The following PGBD5 variants were observed in gnomAD, a reference collection of about 807,000 sequenced individuals.
PGBD5 encodes the protein piggyBac transposable element derived 5, also known as piggyBac transposable element-derived protein 5.
In PGBD5, 14 loss-of-function variants were observed where a neutral mutation model predicts 47.9. The observed-to-expected ratio is 0.29, with a 90% CI of 0.19 to 0.46. PGBD5 has a LOEUF of 0.46. PGBD5 is among the 20% of genes least tolerant of loss of function. The pLI, the probability that PGBD5 is intolerant of heterozygous loss-of-function variation, is 1.00. For synonymous variants in PGBD5, 316 were observed against 306.3 expected, an observed-to-expected ratio of 1.03 and a Z score of -0.33; for missense variants, 635 against 716.0, an observed-to-expected ratio of 0.89 and a Z score of 1.29.
intron 3 of PGBD5, among the ~76,000 whole-genome samples, chr1:230,346,563 A>G (rs1018538515): frequency 1.3e-5 from 2 of 152,178 alleles, no homozygotes; most frequent in Admixed American, 6.5e-5. Context: ...AGGAGCAAGC[A>G]TATCGCAAGA....
At position 230,338,384 on chromosome 1, in the gene PGBD5, G is replaced by A. The variant is rs184423142; in HGVS notation, c.895-1096C>T. On this transcript the variant is annotated intron_variant, in intron 3 of 6. Coordinates refer to ENST00000391860, the MANE Select transcript of PGBD5 (RefSeq NM_001258311.2). ...TCTGGTGCTTGGGATCTGCATTCCC[G>A]TTGTTTCCTTACGGCTGCAGGACTG... Among the ~76,000 whole-genome samples the A allele has an allele frequency of 2.2e-4, 34 of 152,320 alleles. No homozygotes were observed. The East Asian group carries it at 3.1e-3, about 14-fold the overall frequency.
intron 1 of PGBD5, among the ~76,000 whole-genome samples, chr1:230,386,609 G>A (rs1238617135): frequency 6.6e-6 from 1 of 152,136 alleles, no homozygotes; most frequent in Non-Finnish European, 1.5e-5. Context: ...GTACTTCATC[G>A]CCATTGGCTA....
intron 1 of PGBD5, among the ~76,000 whole-genome samples, chr1:230,418,287 C>T (rs1301268990): frequency 6.6e-6 from 1 of 152,138 alleles, no homozygotes; most frequent in Non-Finnish European, 1.5e-5. Flanking sequence ...CAAAAGTCTA[C>T]CGATAGGACA....
chr1:230,395,588 C>A (rs1571857174), intron 1 of PGBD5, among the ~76,000 whole-genome samples: 1 of 14,104 alleles, frequency 7.1e-5, no homozygotes, highest in South Asian at 2.8e-3. Flanking sequence ...TCATTCCCAA[C>A]CCCCTCCCCT....
intron 3 of PGBD5, among the ~76,000 whole-genome samples, chr1:230,344,755 C>A (rs1240293404): frequency 6.6e-6 from 1 of 152,208 alleles, no homozygotes; most frequent in Non-Finnish European, 1.5e-5. Context: ...ATTCTGGCTT[C>A]TAATGCCCAT....
At chr1:230,367,886 C>G in intron 1 of PGBD5, 2 of 1,310,324 alleles carry the variant, frequency 1.5e-6, no homozygotes, top group Non-Finnish European at 2.0e-6. Context: ...TACCAGACTC[C>G]CGCTCTGCAG....
Position 230,314,862 on chromosome 1 carries a change from A to G in PGBD5, c.*8563T>C, listed in dbSNP as rs977240423. On this transcript the variant is annotated 3_prime_UTR_variant, in exon 7 of 7. Coordinates refer to ENST00000391860, the MANE Select transcript of PGBD5 (RefSeq NM_001258311.2). Reference sequence around the variant, plus strand: ...ACAAGAAGAAACAATGTAATGTAGCAGTGGAAACAAAATTCTCACAATGAA... The same window carrying G: ...ACAAGAAGAAACAATGTAATGTAGCGGTGGAAACAAAATTCTCACAATGAA... 2 of 152,182 alleles carry G rather than the reference A, an allele frequency of 1.3e-5. No homozygotes were observed. Among genetic ancestry groups the G allele is most frequent in the Admixed American group, 6.5e-5 (1 of 15,280 alleles). The allele number at this position is 152,182 out of a possible 1,614,324, so 9.4% of individuals were successfully genotyped here. A position where few individuals can be genotyped will look rare whatever the true frequency, so the allele number is the denominator to read the frequency against.
chr1:230,399,815 C>T (rs569187096), intron 1 of PGBD5, among the ~76,000 whole-genome samples: 11 of 152,222 alleles, frequency 7.2e-5, no homozygotes, highest in South Asian at 2.1e-4. Context: ...TCAGTTCCCA[C>T]GGTGGAAACA....
intron 1 of PGBD5, chr1:230,367,839 CGTCCAATTTCATTCTCG>C (rs1667863159): frequency 1.2e-4 from 13 of 112,584 alleles, no homozygotes; most frequent in South Asian, 9.3e-4. Flanking sequence ...AGCATTCTCG[CGTCCAATTTCATTCTCG>C]CAACAGCCAA....
At chr1:230,415,019 A>G (rs1429959677) in intron 1 of PGBD5, among the ~76,000 whole-genome samples, 2 of 152,204 alleles carry the variant, frequency 1.3e-5, no homozygotes, top group Non-Finnish European at 2.9e-5. Context: ...CAATCCTAGC[A>G]CTTTGGGAGG....
At chr1:230,347,668 G>A (rs1228902550) in intron 3 of PGBD5, among the ~76,000 whole-genome samples, 1 of 151,672 alleles carries the variant, frequency 6.6e-6, no homozygotes, top group Non-Finnish European at 1.5e-5. Context: ...CAAAGCTGGG[G>A]CAACAATGTC....
chr1:230,399,015 C>T (rs946847497), intron 1 of PGBD5, among the ~76,000 whole-genome samples: 1 of 151,282 alleles, frequency 6.6e-6, no homozygotes, highest in Non-Finnish European at 1.5e-5. Flanking sequence ...AATTCAATGG[C>T]TCTTTCAAAG....
chr1:230,384,451 G>A (rs963624457), intron 1 of PGBD5, among the ~76,000 whole-genome samples: 6 of 152,162 alleles, frequency 3.9e-5, no homozygotes, highest in Admixed American at 1.3e-4. Flanking sequence ...CCCCTGGCAT[G>A]TGAAGCTGAA....
intron 1 of PGBD5, among the ~76,000 whole-genome samples, chr1:230,411,838 T>C (rs1037675415): frequency 5.3e-5 from 8 of 152,154 alleles, no homozygotes; most frequent in Non-Finnish European, 1.0e-4. Flanking sequence ...AACAAATTAA[T>C]TATGGAAAAG....
At chr1:230,405,766 G>A (rs769504053) in intron 1 of PGBD5, among the ~76,000 whole-genome samples, 3 of 152,192 alleles carry the variant, frequency 2.0e-5, no homozygotes, top group Non-Finnish European at 2.9e-5. Context: ...TGAGCCAAAC[G>A]GTCTTGGGCC....
At chr1:230,347,795 CCTAA>C (rs1667498527) in intron 3 of PGBD5, among the ~76,000 whole-genome samples, 1 of 152,166 alleles carries the variant, frequency 6.6e-6, no homozygotes, top group African/African-American at 2.4e-5. Context: ...GCTGTGCAGA[CCTAA>C]CTGATAGGCT....
intron 3 of PGBD5, among the ~76,000 whole-genome samples, chr1:230,349,969 G>C (rs1667536344): frequency 6.6e-6 from 1 of 152,040 alleles, no homozygotes; most frequent in South Asian, 2.1e-4. Flanking sequence ...TTGGAGGGAA[G>C]ACATTTTCCC....
rs79497591 is a variant in PGBD5, at chr1:230,424,190, G to A, written c.331+1408C>T. On this transcript the variant is annotated intron_variant, in intron 1 of 6. Transcript: ENST00000391860. Reference sequence around the variant, plus strand: ...GCATAAAGTCTGCCAAACCAGGTCTGTGGACTGGTACAATTCTTAAAGAGC... The same window carrying A: ...GCATAAAGTCTGCCAAACCAGGTCTATGGACTGGTACAATTCTTAAAGAGC... Among the ~76,000 whole-genome samples, 1,070 of 152,270 alleles carry A rather than the reference G, an allele frequency of 7.0e-3. 18 individuals are homozygous for A. The highest frequency in any genetic ancestry group is 0.025 in the African/African-American group (1,032 of 41,550).
intron 1 of PGBD5, among the ~76,000 whole-genome samples, chr1:230,411,245 C>T (rs373889855): frequency 3.9e-5 from 6 of 152,218 alleles, no homozygotes; most frequent in African/African-American, 1.2e-4. Flanking sequence ...ATCGTGCCAT[C>T]GCACTCCAGC....
Sources: allele counts gnomAD v4.1 joint callset (sites outside exome capture counted in the v4.1 genomes callset), GRCh38; gene constraint gnomAD v4.1.1; transcripts MANE v1.5; gene names NCBI Gene and HGNC (gene_info 2026-07-23, HGNC 2026-07-21).